PPP2R5B: variants seen among roughly 807,000 people sequenced by gnomAD.
The protein encoded by PPP2R5B is protein phosphatase 2 regulatory subunit B'beta.
A neutral mutation model predicts 59.9 loss-of-function variants in PPP2R5B; 19 were observed. The observed-to-expected ratio is 0.32, with a 90% CI of 0.22 to 0.47. The LOEUF is 0.47. PPP2R5B is among the 20% of genes least tolerant of loss of function. PPP2R5B has a pLI of 1.00. For missense variants in PPP2R5B, 441 were observed against 640.2 expected (o/e 0.69, Z 3.36); for synonymous variants, 286 against 260.5 (o/e 1.10, Z -0.94).
chr11:64,930,270 G>A (rs564833928), intron 6 of PPP2R5B, 52 bp from the exon 7 acceptor site: 15 of 1,592,198 alleles, frequency 9.4e-6, no homozygotes, highest in Non-Finnish European at 1.2e-5. Context: ...GCCTAAGGGG[G>A]CACTGGGCCT....
At chr11:64,932,917 TCA>T in intron 12 of PPP2R5B, 25 bp downstream of exon 12, 1 of 1,612,646 alleles carries the variant, frequency 6.2e-7, no homozygotes, top group Non-Finnish European at 8.5e-7. Flanking sequence ...ATGACCTAAC[TCA>T]CAGAAACTGG....
chr11:64,921,318 T>C (rs72931014), upstream of PPP2R5B, among the ~76,000 whole-genome samples: 835 of 65,504 alleles, frequency 0.013, 3 homozygotes, highest in Non-Finnish European at 0.018. Flanking sequence ...CTTCTTCTAC[T>C]GGACAACTGG....
Position 64,934,322 on chromosome 11 carries a change from T to C in PPP2R5B, c.*478T>C. ...CTCCTCCCTTCCCTCGCTGTGTACT[T>C]CCTTGTCCCCTTTTTATTTATTGGG... On this transcript the variant is annotated 3_prime_UTR_variant, in exon 14 of 14. Coordinates refer to ENST00000164133, the MANE Select transcript of PPP2R5B (RefSeq NM_006244.4). The C allele has an allele frequency of 3.7e-6, 1 of 272,480 alleles. No homozygotes were observed. 16.9% of individuals were successfully genotyped at this position (272,480 alleles called of 1,614,324 possible). A position where few individuals can be genotyped will look rare whatever the true frequency, so the allele number is the denominator to read the frequency against.
rs1945260209 is a variant in PPP2R5B, at chr11:64,934,096, T to C, written c.*252T>C. The C allele has an allele frequency of 1.4e-5, 6 of 435,462 alleles. No homozygotes were observed. The highest frequency in any genetic ancestry group is 2.4e-5 in the Non-Finnish European group (6 of 249,960). 27.0% of individuals were successfully genotyped at this position (435,462 alleles called of 1,614,324 possible). A position where few individuals can be genotyped will look rare whatever the true frequency, so the allele number is the denominator to read the frequency against. ...TTGACCAGGAAGCTGCCATCAGGGA[T>C]CTTCCCCTGCCCCGCAAAGCTAGGC... On this transcript the variant is annotated 3_prime_UTR_variant, in exon 14 of 14. Transcript: ENST00000164133.
chr11:64,926,145 C>T (rs1036238457), intron 2 of PPP2R5B, among the ~76,000 whole-genome samples: 2 of 152,244 alleles, frequency 1.3e-5, no homozygotes, highest in African/African-American at 4.8e-5. Flanking sequence ...GGTGGGACAT[C>T]CGAAGGTGGT....
In PPP2R5B at chr11:64,918,512, C is replaced by T. The variant is rs1945068617; in HGVS notation, c.-265+872C>T. 2.0e-5 allele frequency among the ~76,000 whole-genome samples: 3 copies of T among 152,304 alleles called. No individual in the cohort carries two copies. In the South Asian group the frequency reaches 6.2e-4, roughly 32 times the overall value. On this transcript the variant is annotated intron_variant, in intron 1 of 4. Coordinates refer to the PPP2R5B transcript ENST00000526559. ...TAGCTGGGATTACAGGCATGCACCA[C>T]CGCACCCAGCTAATTACCGTGTTGG...
intron 1 of PPP2R5B, among the ~76,000 whole-genome samples, chr11:64,919,144 C>T (rs1206707263): frequency 2.6e-5 from 4 of 151,946 alleles, no homozygotes; most frequent in Admixed American, 2.0e-4. Context: ...ATCGAGACCA[C>T]CCTGGCTAAC....
At chr11:64,921,598 T>C (rs1051790165), upstream of PPP2R5B, among the ~76,000 whole-genome samples, 10 of 151,906 alleles carry the variant, frequency 6.6e-5, no homozygotes, top group Non-Finnish European at 1.5e-4. Flanking sequence ...GGTGGAGAGC[T>C]TGGGTTTTAT....
In PPP2R5B at chr11:64,933,204, T is replaced by A. The variant is rs768805610; in HGVS notation, c.1304T>A (p.Leu435Gln). The change falls in exon 13 of 14, where the codon CTG (leucine) becomes CAG (glutamine). Residue 435 changes from leucine to glutamine, a missense_variant. Leu to Gln is a moderately radical substitution (Grantham distance 113, BLOSUM62 -2). Around this residue, in one of 3 missense-constraint regions of PPP2R5B, gnomAD observed 268 missense variants for 488.1 expected, o/e 0.55. Coordinates refer to ENST00000164133, the MANE Select transcript of PPP2R5B (RefSeq NM_006244.4). ...LKTFMEMNGK[L>Q]FDELTASYKL... Reference sequence around the variant, plus strand: ...ACCTTCATGGAGATGAATGGGAAGCTGTTTGATGAGCTCACAGCCTCCTAC... The same window carrying A: ...ACCTTCATGGAGATGAATGGGAAGCAGTTTGATGAGCTCACAGCCTCCTAC... 1 of 1,613,456 alleles carries A rather than the reference T, an allele frequency of 6.2e-7. No individual in the cohort carries two copies. Among genetic ancestry groups the A allele is most frequent in the Non-Finnish European group, 8.5e-7 (1 of 1,179,538 alleles).
chr11:64,933,015 G>T (rs1195543521), intron 12 of PPP2R5B, 123 bp downstream of exon 12: 1 of 1,517,316 alleles, frequency 6.6e-7, no homozygotes, highest in Non-Finnish European at 9.1e-7. Context: ...TGGCCCAGGG[G>T]TGGTGAAAAG....
upstream of PPP2R5B, among the ~76,000 whole-genome samples, chr11:64,922,613 G>A (rs921406556): frequency 5.9e-5 from 9 of 152,120 alleles, no homozygotes; most frequent in African/African-American, 1.4e-4. Context: ...AGTGGCTCAC[G>A]CCTGTAATCC....
rs577207904 is a variant in PPP2R5B, at chr11:64,931,915, G to A, written c.1116+47G>A. Reference sequence around the variant, plus strand: ...GATGGGAGCAGGGCTGGCCTGGAAAGGTTGGGTAGCTGACCTAATAAAGCT... The same window carrying A: ...GATGGGAGCAGGGCTGGCCTGGAAAAGTTGGGTAGCTGACCTAATAAAGCT... On this transcript the variant is annotated intron_variant, in intron 11 of 13. Coordinates refer to ENST00000164133, the MANE Select transcript of PPP2R5B (RefSeq NM_006244.4). The surrounding 1 kb of genome is among the most constrained non-coding windows in gnomAD (Gnocchi z 5.0). 6.3e-6 allele frequency: 10 copies of A among 1,596,424 alleles called. No individual in the cohort carries two copies. Among genetic ancestry groups the A allele is most frequent in the Non-Finnish European group, 8.5e-6 (10 of 1,171,656 alleles).
intron 8 of PPP2R5B, among the ~76,000 whole-genome samples, chr11:64,930,821 C>G (rs1395396930): frequency 2.0e-5 from 3 of 152,222 alleles, no homozygotes; most frequent in Admixed American, 2.0e-4. Flanking sequence ...ACATTCTTCT[C>G]CATCTATATT....
intron 6 of PPP2R5B, among the ~76,000 whole-genome samples, chr11:64,929,845 A>C (rs1945209243): frequency 6.6e-6 from 1 of 152,190 alleles, no homozygotes; most frequent in African/African-American, 2.4e-5. Flanking sequence ...GGGACTCTGA[A>C]ACATTAGTTG....
chr11:64,926,618 A>T (rs1945166578), intron 2 of PPP2R5B, 94 bp from the exon 3 acceptor site: 1 of 1,363,322 alleles, frequency 7.3e-7, no homozygotes, highest in African/African-American at 1.4e-5. Flanking sequence ...GGGGCAGCAG[A>T]GGCAGCCGTG....
intron 5 of PPP2R5B, 56 bp from the exon 6 acceptor site, chr11:64,928,239 C>G: frequency 6.2e-7 from 1 of 1,612,532 alleles, no homozygotes; most frequent in Non-Finnish European, 8.5e-7. Flanking sequence ...ATGGAAGCAA[C>G]CTGGGGTGGA....
chr11:64,933,640 G>T, intron 13 of PPP2R5B, 57 bp from the exon 14 acceptor site: 1 of 1,504,576 alleles, frequency 6.6e-7, no homozygotes. Flanking sequence ...GGACTGTGAG[G>T]GAGTCTGGAC....
rs2136688710 is a variant in PPP2R5B, at chr11:64,931,509, A to G, written c.945+20A>G. 3 of 1,614,076 alleles carry G rather than the reference A, an allele frequency of 1.9e-6. No homozygotes were observed. The East Asian group carries it at 6.7e-5, about 36-fold the overall frequency. On this transcript the variant is annotated intron_variant, in intron 9 of 13. Transcript: ENST00000164133. This position sits in a 1 kb window ranked among gnomAD's most constrained non-coding sequence, Gnocchi z 5.0. ...GAGCACGTGAGTACCTCTGGGGGCT[A>G]AGGCAGCCTCTCACCTCTGCAGGCG...
At chr11:64,932,714 A>G (rs1945240062) in intron 11 of PPP2R5B, 51 bp from the exon 12 acceptor site, 1 of 1,597,836 alleles carries the variant, frequency 6.3e-7, no homozygotes, top group East Asian at 2.2e-5. Context: ...GACCTTGCAC[A>G]CAGAGAGAAG....
Sources: allele counts gnomAD v4.1 joint callset (sites outside exome capture counted in the v4.1 genomes callset), GRCh38; gene constraint gnomAD v4.1.1; regional missense constraint gnomAD v4.1.1; non-coding constraint Gnocchi (gnomAD v3.1); transcripts MANE v1.5; gene names NCBI Gene and HGNC (gene_info 2026-07-23, HGNC 2026-07-21).